The following ACAP2 variants were observed in gnomAD, a reference collection of about 807,000 sequenced individuals.
ACAP2 encodes arf-GAP with coiled-coil, ANK repeat and PH domain-containing protein 2.
A neutral mutation model predicts 115.8 loss-of-function variants in ACAP2; 39 were observed. The ratio of observed to expected loss-of-function variants is 0.34; its 90% CI spans 0.26 to 0.44. The LOEUF (loss-of-function observed/expected upper bound fraction) is 0.44, where lower values mean the gene tolerates loss of function less well. Among genes scored for constraint, ACAP2 ranks in the 20% least tolerant of loss-of-function variants. The probability of loss-of-function intolerance (pLI) is 1.00; values close to 1 mark genes in which losing one functional copy is unlikely to be tolerated. For missense variants in ACAP2, 662 were observed against 927.6 expected, an observed-to-expected ratio of 0.71 and a Z score of 3.72; for synonymous variants, 289 against 315.8, an observed-to-expected ratio of 0.92 and a Z score of 0.90.
At chr3:195,378,308 T>G (rs572625328) in intron 4 of ACAP2, among the ~76,000 whole-genome samples, 1 of 151,748 alleles carries the variant, frequency 6.6e-6, no homozygotes, top group Non-Finnish European at 1.5e-5. Context: ...CTGGCCAACA[T>G]GTTGAAACCC....
intron 1 of ACAP2, among the ~76,000 whole-genome samples, chr3:195,438,922 G>A (rs1457213641): frequency 1.3e-5 from 2 of 151,982 alleles, no homozygotes; most frequent in East Asian, 1.9e-4. Context: ...TTAGCCAGGC[G>A]TGGAGGTGCA....
At chr3:195,431,443 C>T (rs1276191858) in intron 1 of ACAP2, among the ~76,000 whole-genome samples, 1 of 151,420 alleles carries the variant, frequency 6.6e-6, no homozygotes, top group African/African-American at 2.4e-5. Context: ...TTTAACTTTT[C>T]TTTTTTTTCC....
At chr3:195,439,088 T>C (rs181909395) in intron 1 of ACAP2, among the ~76,000 whole-genome samples, 1 of 148,380 alleles carries the variant, frequency 6.7e-6, no homozygotes, top group Non-Finnish European at 1.5e-5. Context: ...ATATCTGAAA[T>C]AGAATCTAAA....
chr3:195,369,594 A>T (rs1038847397), intron 4 of ACAP2, among the ~76,000 whole-genome samples: 1 of 152,072 alleles, frequency 6.6e-6, no homozygotes, highest in Non-Finnish European at 1.5e-5. Context: ...ACATGATCTC[A>T]TTTTTATGGC....
chr3:195,372,680 G>A (rs908316724), intron 4 of ACAP2, among the ~76,000 whole-genome samples: 9 of 152,160 alleles, frequency 5.9e-5, no homozygotes, highest in South Asian at 2.1e-4. Context: ...AGCCAGGCAT[G>A]GTGGCACACC....
At chr3:195,279,558 G>A in intron 22 of ACAP2, 130 bp from the exon 23 acceptor site, 39 of 456,930 alleles carry the variant, frequency 8.5e-5, no homozygotes, top group South Asian at 4.1e-4. Context: ...ATTTTTGGAA[G>A]AAAAGGGGCA....
chr3:195,422,843 G>C (rs1203423883), intron 1 of ACAP2, among the ~76,000 whole-genome samples: 2 of 152,044 alleles, frequency 1.3e-5, no homozygotes, highest in African/African-American at 4.8e-5. Context: ...CAAGGCCTCA[G>C]ATACGACTGA....
rs760980733 is a variant in ACAP2 at position 195,337,019 on chromosome 3, A to T, written c.529-43T>A. The T allele has an allele frequency of 6.5e-6, 10 of 1,539,680 alleles. No individual in the cohort carries two copies. The South Asian group carries it at 1.2e-4, about 18-fold the overall frequency. ...TGGTTAATCACCCATGCATTATTTT[A>T]AAGCTAATCCATAATGCAATATTGT... On this transcript the variant is annotated intron_variant, in intron 6 of 22. Transcript: ENST00000326793.
At chr3:195,368,189 A>T (rs1460461283) in intron 4 of ACAP2, among the ~76,000 whole-genome samples, 2 of 152,056 alleles carry the variant, frequency 1.3e-5, no homozygotes, top group Non-Finnish European at 2.9e-5. Context: ...TCTCTCTGTC[A>T]CCCAGACTGG....
chr3:195,371,078 G>GT (rs1290527900), intron 4 of ACAP2, among the ~76,000 whole-genome samples: 1 of 151,898 alleles, frequency 6.6e-6, no homozygotes, highest in East Asian at 1.9e-4. Context: ...ATTTTTTAAG[G>GT]TTTTTTTCTA....
At chr3:195,301,910 T>C (rs905462474) in intron 14 of ACAP2, 56 bp downstream of exon 14, 2 of 1,570,686 alleles carry the variant, frequency 1.3e-6, no homozygotes, top group African/African-American at 2.7e-5. Flanking sequence ...GAAACAACCA[T>C]TTCTATCTGT....
chr3:195,370,269 G>A (rs1351547594), intron 4 of ACAP2, among the ~76,000 whole-genome samples: 3 of 152,068 alleles, frequency 2.0e-5, no homozygotes, highest in Non-Finnish European at 1.5e-5. Flanking sequence ...GTCAATTTTT[G>A]CTTTTGTTGC....
chr3:195,302,118 G>C lies in ACAP2; in HGVS notation c.1173C>G (p.Ser391=). ...TTTCTCCTTTCAATAATTTCTCTTT[G>C]GACTCATTTCCAGAATCTAGGCTTC... ...STGSLDSGNE[S]KEKLLKGESA... The change falls in exon 14 of 23, where the codon TCC becomes TCG. Residue 391 remains serine (S), a synonymous_variant. Transcript: ENST00000326793. The C allele has an allele frequency of 3.7e-6, 6 of 1,613,876 alleles. No individual in the cohort carries two copies. Among genetic ancestry groups the C allele is most frequent in the Non-Finnish European group, 5.1e-6 (6 of 1,180,006 alleles).
chr3:195,373,363 A>G (rs1331315724), intron 4 of ACAP2, among the ~76,000 whole-genome samples: 1 of 149,696 alleles, frequency 6.7e-6, no homozygotes, highest in Admixed American at 6.6e-5. Flanking sequence ...TCAAAATGAT[A>G]AATAATCTAA....
intron 6 of ACAP2, among the ~76,000 whole-genome samples, chr3:195,337,637 G>C (rs570424599): frequency 2.0e-5 from 3 of 151,982 alleles, no homozygotes; most frequent in Non-Finnish European, 4.4e-5. Flanking sequence ...TAGTAGAGAC[G>C]GGGTTTCTCC....
Position 195,333,199 on chromosome 3 carries a change from A to T in ACAP2, c.574-76T>A, listed in dbSNP as rs1008957687. On this transcript the variant is annotated intron_variant, in intron 7 of 22. Coordinates refer to ENST00000326793, the MANE Select transcript of ACAP2 (RefSeq NM_012287.6). ...TTCTGAAATATTACATATATATATA[A>T]AAATATATAAAAGACAGGGTCTTGC... The T allele has an allele frequency of 6.8e-5, 43 of 629,748 alleles. 1 individual carries two copies. The highest frequency in any genetic ancestry group is 5.9e-4 in the South Asian group (20 of 33,826). 39.0% of individuals were successfully genotyped at this position (629,748 alleles called of 1,614,324 possible).
chr3:195,366,290 G>A (rs1465663887), intron 4 of ACAP2, among the ~76,000 whole-genome samples: 1 of 152,182 alleles, frequency 6.6e-6, no homozygotes, highest in African/African-American at 2.4e-5. Context: ...AACATAGGCT[G>A]CTTCTATATT....
chr3:195,382,706 T>C (rs930787007), intron 2 of ACAP2, among the ~76,000 whole-genome samples: 6 of 152,136 alleles, frequency 3.9e-5, no homozygotes, highest in Admixed American at 2.0e-4. Flanking sequence ...AGAAAAACTT[T>C]AGAAAACTCC....
At chr3:195,309,598 G>C (rs1560227648) in intron 10 of ACAP2, among the ~76,000 whole-genome samples, 1 of 151,456 alleles carries the variant, frequency 6.6e-6, no homozygotes, top group Non-Finnish European at 1.5e-5. Context: ...GAAATAAATT[G>C]TGCTTTATTT....
Sources: gnomAD v4.1 joint callset for allele counts (sites outside exome capture counted in the v4.1 genomes callset) on GRCh38, gnomAD v4.1.1 for gene constraint, MANE v1.5 for transcripts, NCBI Gene and HGNC (gene_info 2026-07-23, HGNC 2026-07-21) for gene names.